The following ASTN2 variants were observed in gnomAD, a reference collection of about 807,000 sequenced individuals.
The protein encoded by ASTN2 is astrotactin 2.
In ASTN2, 54 loss-of-function variants were observed where a neutral mutation model predicts 139.8. The ratio of observed to expected loss-of-function variants is 0.39; its 90% confidence interval spans 0.31 to 0.48. ASTN2 has a LOEUF of 0.48. ASTN2 is among the 20% of genes least tolerant of loss of function. The pLI is 0.95. For synonymous variants in ASTN2, 756 were observed against 719.5 expected, an observed-to-expected ratio of 1.05 and a Z score of -0.81; for missense variants, 1,565 against 1,725.1, an observed-to-expected ratio of 0.91 and a Z score of 1.64.
chr9:116,454,635 A>T (rs934650309), intron 20 of ASTN2, among the ~76,000 whole-genome samples: 12 of 152,204 alleles, frequency 7.9e-5, no homozygotes, highest in Non-Finnish European at 1.8e-4. Context: ...ACTTGCAACC[A>T]ACCCAAATGT....
At chr9:116,456,005 A>C (rs1242760384) in intron 20 of ASTN2, among the ~76,000 whole-genome samples, 1 of 152,162 alleles carries the variant, frequency 6.6e-6, no homozygotes, top group Admixed American at 6.5e-5. Context: ...ATAGTACTAG[A>C]AGCCTAGCTA....
At chr9:116,538,717 A>G (rs1851751555) in intron 19 of ASTN2, among the ~76,000 whole-genome samples, 1 of 152,222 alleles carries the variant, frequency 6.6e-6, no homozygotes, top group Non-Finnish European at 1.5e-5. Flanking sequence ...TGAAATTGAG[A>G]TGCATCCTAC....
rs916486995 is a variant in ASTN2 at position 116,856,607 on chromosome 9, A to G, written c.2040+6976T>C. ...CTTTTGCCTCCCTCTGAGCAGTGCT[A>G]TAAGGTTCCTGGCCTATACTAAATG... On this transcript the variant is annotated intron_variant, in intron 11 of 22. Coordinates refer to ENST00000313400, the MANE Select transcript of ASTN2 (RefSeq NM_001365068.1). Among the ~76,000 whole-genome samples, 5 of 152,202 alleles carry G rather than the reference A, an allele frequency of 3.3e-5. No homozygotes were observed. The South Asian group carries it at 1.0e-3, about 32-fold the overall frequency.
chr9:116,547,840 C>T (rs532385292), intron 19 of ASTN2, among the ~76,000 whole-genome samples: 28 of 152,196 alleles, frequency 1.8e-4, no homozygotes, highest in African/African-American at 6.5e-4. Flanking sequence ...ACCTGAGCTG[C>T]CCCCCAAGCT....
At chr9:116,708,943 G>A (rs1828068523) in intron 16 of ASTN2, among the ~76,000 whole-genome samples, 1 of 152,180 alleles carries the variant, frequency 6.6e-6, no homozygotes, top group Admixed American at 6.5e-5. Context: ...GATTCCTGAA[G>A]TCTCTGGCCC....
At chr9:117,008,911 A>T (rs1242133352) in intron 6 of ASTN2, among the ~76,000 whole-genome samples, 1 of 152,140 alleles carries the variant, frequency 6.6e-6, no homozygotes, top group Non-Finnish European at 1.5e-5. Context: ...ATATAGAGAG[A>T]CAGACTGAGA....
At position 116,439,705 on chromosome 9, in the gene ASTN2, C is replaced by A. The variant is rs137994105; in HGVS notation, c.3782+904G>T. ...AAATACCCATCCTTTTCCCCCACAA[C>A]CCTCACTTACCTTACCCCAACTCAA... On this transcript the variant is annotated intron_variant, in intron 22 of 22. Transcript: ENST00000313400. Among the ~76,000 whole-genome samples the A allele has an allele frequency of 1.2e-3, 190 of 152,274 alleles. 2 individuals carry two copies. The highest frequency in any genetic ancestry group is 4.4e-3 in the African/African-American group (184 of 41,558).
At chr9:117,135,796 C>T (rs1588002853) in intron 4 of ASTN2, among the ~76,000 whole-genome samples, 1 of 151,966 alleles carries the variant, frequency 6.6e-6, no homozygotes, top group African/African-American at 2.4e-5. Flanking sequence ...AATTTTTTGC[C>T]TGGAGAGAAA....
chr9:116,477,287 C>T (rs985676226), intron 20 of ASTN2, among the ~76,000 whole-genome samples: 5 of 152,130 alleles, frequency 3.3e-5, no homozygotes, highest in Non-Finnish European at 4.4e-5. Context: ...AGCTATTCCC[C>T]TCTCCCAGGC....
At chr9:116,834,500 T>A (rs1268817216) in intron 11 of ASTN2, among the ~76,000 whole-genome samples, 1 of 152,224 alleles carries the variant, frequency 6.6e-6, no homozygotes, top group Non-Finnish European at 1.5e-5. Context: ...CATTTAGGAT[T>A]TCTATGTCTT....
At chr9:116,633,988 C>T (rs948311656) in intron 17 of ASTN2, among the ~76,000 whole-genome samples, 11 of 152,062 alleles carry the variant, frequency 7.2e-5, no homozygotes, top group South Asian at 4.2e-4. Flanking sequence ...GGATGTTACA[C>T]GTGACGGAGG....
chr9:116,481,878 GCA>G (rs1045142837), intron 20 of ASTN2, among the ~76,000 whole-genome samples: 3 of 152,164 alleles, frequency 2.0e-5, no homozygotes, highest in African/African-American at 7.2e-5. Context: ...GCTTTGAACA[GCA>G]CATGGGAGGA....
At chr9:116,984,758 C>T (rs1220682228) in intron 7 of ASTN2, among the ~76,000 whole-genome samples, 1 of 152,172 alleles carries the variant, frequency 6.6e-6, no homozygotes, top group African/African-American at 2.4e-5. Context: ...GCCCTGAATC[C>T]TCTGCAAATC....
rs764049388 is a variant in ASTN2, at chr9:116,423,852, C to T, written c.*1999G>A. On this transcript the variant is annotated 3_prime_UTR_variant, in exon 23 of 23. Transcript: ENST00000313400. ...TGTAGGTTATCAGGAAGGGGATTGTCAATCTCATCAACATTTGCCAAATTG... is the reference window on the plus strand; with the variant it reads ...TGTAGGTTATCAGGAAGGGGATTGTTAATCTCATCAACATTTGCCAAATTG... Among the ~76,000 whole-genome samples, 2 of 152,140 alleles carry T rather than the reference C, an allele frequency of 1.3e-5. No homozygotes were observed. The highest frequency in any genetic ancestry group is 2.4e-5 in the African/African-American group (1 of 41,402).
At chr9:116,681,808 A>G (rs1859885026) in intron 16 of ASTN2, among the ~76,000 whole-genome samples, 2 of 152,040 alleles carry the variant, frequency 1.3e-5, no homozygotes, top group Non-Finnish European at 2.9e-5. Flanking sequence ...GTGCTGGGAA[A>G]ACTGGCTAGC....
intron 6 of ASTN2, among the ~76,000 whole-genome samples, chr9:117,029,478 T>G (rs1213304264): frequency 6.6e-6 from 1 of 152,110 alleles, no homozygotes; most frequent in Non-Finnish European, 1.5e-5. Flanking sequence ...GGGATACTTG[T>G]GTGCCCATCG....
chr9:117,408,983 C>G (rs1056909199), intron 1 of ASTN2, among the ~76,000 whole-genome samples: 2 of 152,068 alleles, frequency 1.3e-5, no homozygotes, highest in African/African-American at 4.8e-5. Context: ...CACCACCTCC[C>G]CCAAGACCCT....
chr9:117,373,654 C>T (rs1830046038), intron 1 of ASTN2, among the ~76,000 whole-genome samples: 1 of 152,186 alleles, frequency 6.6e-6, no homozygotes. Flanking sequence ...GAACATATTC[C>T]TGCCTTCATA....
intron 2 of ASTN2, among the ~76,000 whole-genome samples, chr9:117,245,006 C>T (rs62564708): frequency 0.26 from 39,597 of 151,666 alleles, 5,388 homozygotes; most frequent in Middle Eastern, 0.3. Context: ...CTCACAGTCC[C>T]GTAGAGAAGA....
Sources: gnomAD v4.1 joint callset for allele counts (sites outside exome capture counted in the v4.1 genomes callset) on GRCh38, gnomAD v4.1.1 for gene constraint, MANE v1.5 for transcripts, NCBI Gene and HGNC (gene_info 2026-07-23, HGNC 2026-07-21) for gene names.